Variants in LPP observed in about 807,000 individuals in gnomAD.
LPP encodes the protein LIM domain containing preferred translocation partner in lipoma, also known as lipoma-preferred partner.
LPP carries 38 observed loss-of-function variants against 60.4 expected under a neutral mutation model. The ratio of observed to expected loss-of-function variants is 0.63; its 90% CI spans 0.49 to 0.83. LPP has a LOEUF of 0.83. Ranked by LOEUF, LPP falls within the 40% of genes least tolerant of loss-of-function variation. The pLI, the probability that LPP is intolerant of heterozygous loss-of-function variation, is 0.00. For missense variants in LPP, 902 were observed against 783.6 expected, an observed-to-expected ratio of 1.15 and a Z score of -1.80; for synonymous variants, 328 against 290.8, an observed-to-expected ratio of 1.13 and a Z score of -1.30.
chr3:188,448,521 G>A (rs940011740), intron 4 of LPP, among the ~76,000 whole-genome samples: 12 of 151,592 alleles, frequency 7.9e-5, no homozygotes, highest in African/African-American at 2.9e-4. Context: ...AATTTATTCT[G>A]AAGTGTGGTA....
chr3:188,194,310 C>T (rs1006619743), intron 1 of LPP, among the ~76,000 whole-genome samples: 5 of 152,240 alleles, frequency 3.3e-5, no homozygotes, highest in Non-Finnish European at 5.9e-5. Context: ...CCAGATATTT[C>T]TGTGTATCAC....
At chr3:188,741,252 A>G (rs1307588624) in intron 8 of LPP, among the ~76,000 whole-genome samples, 2 of 148,518 alleles carry the variant, frequency 1.3e-5, no homozygotes, top group South Asian at 2.1e-4. Flanking sequence ...TTGGGGGGGG[A>G]AGGGAGATTC....
intron 6 of LPP, among the ~76,000 whole-genome samples, chr3:188,546,385 C>A (rs533893346): frequency 2.0e-5 from 3 of 151,864 alleles, no homozygotes; most frequent in African/African-American, 7.3e-5. Context: ...TAGATAAGGA[C>A]TGGATATCAG....
At chr3:188,233,171 G>A (rs1577430052) in intron 2 of LPP, among the ~76,000 whole-genome samples, 1 of 152,120 alleles carries the variant, frequency 6.6e-6, no homozygotes, top group Non-Finnish European at 1.5e-5. Flanking sequence ...GACTCCCAAG[G>A]CCTAACTACA....
At chr3:188,163,951 C>A (rs1194310213) in intron 1 of LPP, among the ~76,000 whole-genome samples, 1,302 of 114,492 alleles carry the variant, frequency 0.011, no homozygotes, top group African/African-American at 0.012. Context: ...ACTCTGTCTC[C>A]AAAAAAAAAA....
At chr3:188,388,968 G>A (rs554284838) in intron 3 of LPP, among the ~76,000 whole-genome samples, 3 of 150,872 alleles carry the variant, frequency 2.0e-5, no homozygotes, top group African/African-American at 5.0e-5. Context: ...TTTATAGGAA[G>A]AGTCATAATA....
At chr3:188,242,212 G>C (rs2149478437) in intron 2 of LPP, among the ~76,000 whole-genome samples, 1 of 152,232 alleles carries the variant, frequency 6.6e-6, no homozygotes, top group East Asian at 1.9e-4. Context: ...TTATTTTTTA[G>C]CATGGCTAAT....
chr3:188,835,730 T>C (rs1758292171), intron 9 of LPP, among the ~76,000 whole-genome samples: 1 of 152,184 alleles, frequency 6.6e-6, no homozygotes, highest in Non-Finnish European at 1.5e-5. Flanking sequence ...GCCCCTACGA[T>C]GTGACAAGTC....
chr3:188,573,497 G>A lies in LPP; in HGVS notation c.430-35664G>A, dbSNP rs577061687. On this transcript the variant is annotated intron_variant, in intron 6 of 11. Coordinates refer to ENST00000617246, the MANE Select transcript of LPP (RefSeq NM_001375462.1). ...GGCCCTCTCCTGGCCACTGACTTAC[G>A]TCGTAGCTTAGCAGAGGGGCATTGT... Among the ~76,000 whole-genome samples the A allele has an allele frequency of 6.8e-4, 104 of 152,048 alleles. 1 individual carries two copies. The highest frequency in any genetic ancestry group is 6.6e-3 in the South Asian group (32 of 4,818).
intron 9 of LPP, among the ~76,000 whole-genome samples, chr3:188,794,012 T>A (rs1009384053): frequency 6.6e-6 from 1 of 152,178 alleles, no homozygotes; most frequent in Non-Finnish European, 1.5e-5. Flanking sequence ...AAAGGACGCT[T>A]TTCTTCAGGC....
intron 9 of LPP, among the ~76,000 whole-genome samples, chr3:188,800,543 CCAAAA>C (rs1746893594): frequency 6.6e-6 from 1 of 152,064 alleles, no homozygotes; most frequent in African/African-American, 2.4e-5. Flanking sequence ...CCACACCCGG[CCAAAA>C]CTTTCTGCAG....
chr3:188,446,767 T>C (rs1795331841), intron 4 of LPP, among the ~76,000 whole-genome samples: 1 of 152,210 alleles, frequency 6.6e-6, no homozygotes, highest in Non-Finnish European at 1.5e-5. Flanking sequence ...ATGGAGTGAG[T>C]TGCCCAGGGA....
At chr3:188,367,336 T>C (rs1443039867) in intron 3 of LPP, among the ~76,000 whole-genome samples, 2 of 152,176 alleles carry the variant, frequency 1.3e-5, no homozygotes, top group Non-Finnish European at 2.9e-5. Flanking sequence ...GGGTTATGGC[T>C]TCTTCTACAT....
intron 1 of LPP, among the ~76,000 whole-genome samples, chr3:188,220,580 T>C (rs1408186328): frequency 6.6e-6 from 1 of 152,216 alleles, no homozygotes; most frequent in Admixed American, 6.5e-5. Context: ...GATGTTGAGC[T>C]TCAGGCACAT....
chr3:188,742,283 C>T (rs1474561301), intron 8 of LPP, among the ~76,000 whole-genome samples: 1 of 152,054 alleles, frequency 6.6e-6, no homozygotes, highest in Non-Finnish European at 1.5e-5. Context: ...AGCAATTCTC[C>T]TCCTTGACAT....
rs190885185 is a variant in LPP, at chr3:188,835,016, T to C, written c.1411-31184T>C. ...AAGAGCTTGTGGCAGAAGTAACTTC[T>C]ACCTAGTAGTGTATTTTCCTTACTG... On this transcript the variant is annotated intron_variant, in intron 9 of 11. Transcript: ENST00000617246. Among the ~76,000 whole-genome samples the C allele has an allele frequency of 1.4e-3, 211 of 152,328 alleles. 1 individual carries two copies. The highest frequency in any genetic ancestry group is 5.0e-3 in the African/African-American group (207 of 41,558).
intron 2 of LPP, among the ~76,000 whole-genome samples, chr3:188,241,233 C>T (rs1332675031): frequency 2.0e-5 from 3 of 152,146 alleles, no homozygotes; most frequent in African/African-American, 7.2e-5. Context: ...CTGTTATCTG[C>T]GCAGGCCTCT....
At chr3:188,785,474 CATATATATATATTCATCAT>C in intron 9 of LPP, among the ~76,000 whole-genome samples, 1 of 43,290 alleles carries the variant, frequency 2.3e-5, no homozygotes, top group Non-Finnish European at 3.9e-5. Flanking sequence ...TATATTCCAT[CATATATATATATTCATCAT>C]ATATATATAT....
intron 1 of LPP, among the ~76,000 whole-genome samples, chr3:188,170,653 C>G (rs9860399): frequency 0.73 from 110,970 of 151,834 alleles, 40,802 homozygotes; most frequent in South Asian, 0.82. Flanking sequence ...GCTTCTTCAT[C>G]AACAGCATCA....
Sources: allele counts gnomAD v4.1 joint callset (sites outside exome capture counted in the v4.1 genomes callset), GRCh38; gene constraint gnomAD v4.1.1; transcripts MANE v1.5; gene names NCBI Gene and HGNC (gene_info 2026-07-23, HGNC 2026-07-21).